IMPACT: variants seen among roughly 807,000 people sequenced by gnomAD.
IMPACT encodes the protein impact RWD domain protein.
IMPACT carries 35 observed loss-of-function variants against 47.5 expected under a neutral mutation model. That is an observed-to-expected ratio of 0.74 (90% confidence interval 0.56 to 0.98). The LOEUF (loss-of-function observed/expected upper bound fraction) is 0.98. IMPACT is among the 50% of genes least tolerant of loss of function. The probability of loss-of-function intolerance (pLI) is 0.00; values close to 1 mark genes in which losing one functional copy is unlikely to be tolerated. For missense variants in IMPACT, 373 were observed against 394.8 expected, an observed-to-expected ratio of 0.94 and a Z score of 0.47; for synonymous variants, 118 against 125.6, an observed-to-expected ratio of 0.94 and a Z score of 0.40.
intron 7 of IMPACT, among the ~76,000 whole-genome samples, chr18:24,444,841 G>A (rs1249315146): frequency 1.3e-5 from 2 of 152,022 alleles, no homozygotes; most frequent in East Asian, 3.9e-4. Context: ...GCTAAATTTG[G>A]TCACCCAGTC....
intron 4 of IMPACT, among the ~76,000 whole-genome samples, chr18:24,434,571 G>A (rs1213938539): frequency 2.6e-5 from 4 of 151,798 alleles, no homozygotes; most frequent in South Asian, 2.1e-4. Flanking sequence ...TCAGGAGTTC[G>A]AAACCAGCCT....
intron 8 of IMPACT, among the ~76,000 whole-genome samples, chr18:24,446,702 A>C (rs1909258014): frequency 6.6e-6 from 1 of 152,198 alleles, no homozygotes; most frequent in Non-Finnish European, 1.5e-5. Context: ...GCCAAAACTT[A>C]CAAACAATTA....
chr18:24,429,606 T>G (rs1017101447), intron 3 of IMPACT: 3 of 151,356 alleles, frequency 2.0e-5, no homozygotes, highest in African/African-American at 7.3e-5. Flanking sequence ...TTAATTAGCC[T>G]TAAAAAACAA....
intron 4 of IMPACT, among the ~76,000 whole-genome samples, chr18:24,433,492 C>G (rs1331267082): frequency 2.6e-5 from 4 of 151,200 alleles, no homozygotes; most frequent in Non-Finnish European, 4.4e-5. Context: ...AGCCACCGCG[C>G]CCGGCCAACT....
rs746105273 is a variant in IMPACT at position 24,448,202 on chromosome 18, A to G, written c.759+19A>G. The G allele has an allele frequency of 3.2e-6, 5 of 1,547,612 alleles. No homozygotes were observed. The highest frequency in any genetic ancestry group is 4.5e-6 in the Non-Finnish European group (5 of 1,120,062). ...CATGGAGGTAGGTGTAAGTTAAACT[A>G]TCAATCCTGTTCTGTACAAGCCATA... On this transcript the variant is annotated intron_variant, in intron 9 of 10. Coordinates refer to ENST00000284202, the MANE Select transcript of IMPACT (RefSeq NM_018439.4).
intron 5 of IMPACT, among the ~76,000 whole-genome samples, chr18:24,439,368 T>C (rs1568087621): frequency 6.6e-6 from 1 of 152,072 alleles, no homozygotes; most frequent in Non-Finnish European, 1.5e-5. Flanking sequence ...CCGTCTCTAC[T>C]AAAAATACAA....
Position 24,450,762 on chromosome 18 carries a change from A to T in IMPACT, c.895-17A>T. 6.3e-7 allele frequency: 1 copy of T among 1,577,172 alleles called. No homozygotes were observed. Among genetic ancestry groups the T allele is most frequent in the South Asian group, 1.1e-5 (1 of 89,778 alleles). ...ATGTAAATGGAGAGATGCTGCACTGATTTGTGTCTTTTTCAGGAGGAGTCA... is the reference window on the plus strand; with the variant it reads ...ATGTAAATGGAGAGATGCTGCACTGTTTTGTGTCTTTTTCAGGAGGAGTCA... On this transcript the variant is annotated splice_polypyrimidine_tract_variant and intron_variant, in intron 10 of 10. Transcript: ENST00000284202.
intron 1 of IMPACT, 63 bp from the exon 2 acceptor site, chr18:24,427,853 AAGT>A: frequency 1.4e-6 from 2 of 1,446,290 alleles, no homozygotes; most frequent in South Asian, 2.6e-5. Flanking sequence ...ATACCTTATA[AAGT>A]AGTAAGAATA....
At chr18:24,448,721 A>T (rs1909307041) in intron 9 of IMPACT, among the ~76,000 whole-genome samples, 1 of 152,088 alleles carries the variant, frequency 6.6e-6, no homozygotes, top group Non-Finnish European at 1.5e-5. Context: ...GTTCTGTTTT[A>T]TGGCTCCAAT....
In IMPACT at chr18:24,450,828, AGAAGAG is replaced by A. The variant is rs774135900; in HGVS notation, c.948_953del (p.Lys316_Arg317del). The A allele has an allele frequency of 1.7e-5, 27 of 1,606,376 alleles. No individual in the cohort carries two copies. In the African/African-American group the frequency reaches 3.6e-4, roughly 21 times the overall value. ...AAGAACAAAAAAGTAAGAAAAGACA[AGAAGAG>A]GAATGAACATTAATACCTGAAACTA... On this transcript the variant is annotated inframe_deletion, in exon 11 of 11. Coordinates refer to ENST00000284202, the MANE Select transcript of IMPACT (RefSeq NM_018439.4).
At chr18:24,450,295 C>T (rs1909350094) in intron 10 of IMPACT, among the ~76,000 whole-genome samples, 1 of 152,168 alleles carries the variant, frequency 6.6e-6, no homozygotes, top group Non-Finnish European at 1.5e-5. Flanking sequence ...TAGCTGATAT[C>T]ACATCAGACT....
intron 9 of IMPACT, 85 bp downstream of exon 9, chr18:24,448,268 A>G: frequency 1.3e-6 from 1 of 781,218 alleles, no homozygotes; most frequent in South Asian, 1.7e-5. Context: ...GTAATAGCTA[A>G]GTCAGTTGAA....
rs1293702689 is a variant in IMPACT, at chr18:24,440,626, G to A, written c.490+8G>A. 6.3e-7 allele frequency: 1 copy of A among 1,598,750 alleles called. No individual in the cohort carries two copies. The highest frequency in any genetic ancestry group is 1.1e-5 in the South Asian group (1 of 88,184). Reference sequence around the variant, plus strand: ...TCAGTGAAACTCGGACAGGTATAATGTTACTAACTAATTTCTTTTGAGGAG... The same window carrying A: ...TCAGTGAAACTCGGACAGGTATAATATTACTAACTAATTTCTTTTGAGGAG... On this transcript the variant is annotated splice_region_variant and intron_variant, in intron 6 of 10. Transcript: ENST00000284202.
At chr18:24,437,120 A>G (rs1908968261) in intron 4 of IMPACT, among the ~76,000 whole-genome samples, 1 of 152,180 alleles carries the variant, frequency 6.6e-6, no homozygotes, top group Non-Finnish European at 1.5e-5. Context: ...GTAGTGATAA[A>G]GAGAGATAAT....
chr18:24,447,975 AT>A, intron 8 of IMPACT, 117 bp from the exon 9 acceptor site: 1 of 603,698 alleles, frequency 1.7e-6, no homozygotes, highest in South Asian at 2.4e-5. Context: ...TTCAGGAAGG[AT>A]TTAAAAAAAT....
intron 4 of IMPACT, among the ~76,000 whole-genome samples, chr18:24,434,834 GTA>G (rs1253240931): frequency 4.3e-5 from 6 of 138,848 alleles, no homozygotes; most frequent in Admixed American, 1.4e-4. Context: ...TTATATAAGT[GTA>G]TATATATGTG....
intron 4 of IMPACT, among the ~76,000 whole-genome samples, chr18:24,435,012 T>C (rs1177966772): frequency 1.3e-5 from 2 of 151,316 alleles, no homozygotes; most frequent in African/African-American, 4.9e-5. Context: ...CTATCTCTGT[T>C]ACCCAGGCTG....
At position 24,448,120 on chromosome 18, in the gene IMPACT, C is replaced by CT; in HGVS notation, c.698dup (p.Leu233PhefsTer5). The CT allele has an allele frequency of 6.2e-7, 1 of 1,613,084 alleles. No individual in the cohort carries two copies. Among genetic ancestry groups the CT allele is most frequent in the Non-Finnish European group, 8.5e-7 (1 of 1,179,142 alleles). ...TATATTGTGAGGATAAACAGACCTT[C>CT]TTACAGGATTGTGAGGATGATGGGG... is the stretch of plus-strand genomic sequence containing the variant. On this transcript the variant is annotated frameshift_variant, in exon 9 of 11. Transcript: ENST00000284202. LOFTEE classifies it high-confidence loss of function.
At position 24,428,920 on chromosome 18, in the gene IMPACT, A is replaced by G; in HGVS notation, c.217A>G (p.Asn73Asp). 1 of 1,603,714 alleles carries G rather than the reference A, an allele frequency of 6.2e-7. No homozygotes were observed. Among genetic ancestry groups the G allele is most frequent in the East Asian group, 2.2e-5 (1 of 44,762 alleles). The stretch of plus-strand genomic sequence containing the variant: ...TACAGCTCCACCTATCTACCAGTTG[A>G]AGTAAGCTGTATTTCTACGTTTATA... ...PGTAPPIYQL[N>D]APWLKGQERA... Residue 73 changes from asparagine (N) to aspartate (D), a missense_variant and splice_region_variant, in exon 3 of 11, where the codon AAT becomes GAT. Physicochemically the swap from Asn to Asp is conservative, Grantham distance 23 (BLOSUM62 1). Coordinates refer to ENST00000284202, the MANE Select transcript of IMPACT (RefSeq NM_018439.4).
Sources: allele counts gnomAD v4.1 joint callset (sites outside exome capture counted in the v4.1 genomes callset), GRCh38; gene constraint gnomAD v4.1.1; transcripts MANE v1.5; gene names NCBI Gene and HGNC (gene_info 2026-07-23, HGNC 2026-07-21).